Variants in CUX2 observed in about 807,000 individuals in gnomAD.
The protein encoded by CUX2 is cut like homeobox 2, also known as homeobox protein cut-like 2.
A neutral mutation model predicts 144.8 loss-of-function variants in CUX2; 40 were observed. The ratio of observed to expected loss-of-function variants is 0.28; its 90% CI spans 0.21 to 0.36. The LOEUF (loss-of-function observed/expected upper bound fraction) is 0.36, where lower values mean the gene tolerates loss of function less well. CUX2 is among the 10% of genes least tolerant of loss of function. The pLI, the probability that CUX2 is intolerant of heterozygous loss-of-function variation, is 1.00. For synonymous variants in CUX2, 827 were observed against 875.6 expected (o/e 0.94, Z 0.98); for missense variants, 1,615 against 1,994.0 (o/e 0.81, Z 3.62).
chr12:111,281,880 G>A (rs1023812842), intron 4 of CUX2, among the ~76,000 whole-genome samples: 2 of 152,188 alleles, frequency 1.3e-5, no homozygotes, highest in African/African-American at 4.8e-5. Flanking sequence ...GAGGCGGGAT[G>A]CTGGTCTGAT....
chr12:111,267,531 G>A (rs566390541), intron 4 of CUX2, among the ~76,000 whole-genome samples: 12 of 152,162 alleles, frequency 7.9e-5, no homozygotes, highest in African/African-American at 2.7e-4. Flanking sequence ...ACTCTGCTCC[G>A]TGTGACAAGC....
At position 111,293,381 on chromosome 12, in the gene CUX2, A is replaced by ATCTGT. The variant is rs1266306331; in HGVS notation, c.437-65_437-64insTCTGT. 1 of 1,542,940 alleles carries ATCTGT rather than the reference A, an allele frequency of 6.5e-7. No homozygotes were observed. The highest frequency in any genetic ancestry group is 8.7e-7 in the Non-Finnish European group (1 of 1,144,698). On this transcript the variant is annotated intron_variant, in intron 5 of 21. Transcript: ENST00000261726. The surrounding 1 kb of genome is among the most constrained non-coding windows in gnomAD (Gnocchi z 4.5). ...ATCAATGATCGATCCGGTTTACAGAAAGCGGCTCTGGCTGCCACGTTGCTC... is the reference window on the plus strand; with the variant it reads ...ATCAATGATCGATCCGGTTTACAGAATCTGTAGCGGCTCTGGCTGCCACGTTGCTC...
intron 1 of CUX2, among the ~76,000 whole-genome samples, chr12:111,177,854 C>T (rs2136176216): frequency 6.6e-6 from 1 of 152,336 alleles, no homozygotes; most frequent in Middle Eastern, 3.4e-3. Context: ...CTCTGTGGAC[C>T]TCAGTTTCCT....
At chr12:111,096,327 C>A (rs1872814589) in intron 1 of CUX2, among the ~76,000 whole-genome samples, 1 of 152,242 alleles carries the variant, frequency 6.6e-6, no homozygotes, top group Non-Finnish European at 1.5e-5. Flanking sequence ...CCGGGCTGTT[C>A]TATCCCCTAC....
At chr12:111,105,033 A>G (rs1217967074) in intron 1 of CUX2, among the ~76,000 whole-genome samples, 1 of 151,854 alleles carries the variant, frequency 6.6e-6, no homozygotes, top group Non-Finnish European at 1.5e-5. Flanking sequence ...ATGCCTTATA[A>G]CCTGTTCTCC....
Position 111,304,370 on chromosome 12 carries a change from G to A in CUX2, c.858+56G>A. ...AGGGCAGAGGGAAAGATCGGGAATG[G>A]CTGAGTTTGCAGGTTTCAGCATGTG... On this transcript the variant is annotated intron_variant, in intron 10 of 21. Coordinates refer to ENST00000261726, the MANE Select transcript of CUX2 (RefSeq NM_015267.4). The surrounding 1 kb of genome is among the most constrained non-coding windows in gnomAD (Gnocchi z 4.7). 16 of 1,441,650 alleles carry A rather than the reference G, an allele frequency of 1.1e-5. No individual in the cohort carries two copies. Among genetic ancestry groups the A allele is most frequent in the Non-Finnish European group, 1.4e-5 (15 of 1,037,836 alleles). 89.3% of individuals were successfully genotyped at this position (1,441,650 alleles called of 1,614,324 possible).
chr12:111,265,309 T>TTTTTA (rs199678456), intron 4 of CUX2, among the ~76,000 whole-genome samples: 8,731 of 143,612 alleles, frequency 0.061, 606 homozygotes, highest in African/African-American at 0.16. Context: ...TTTTATTTTA[T>TTTTTA]TTTTATTTTA....
intron 3 of CUX2, among the ~76,000 whole-genome samples, chr12:111,262,372 A>G (rs2136289720): frequency 7.2e-6 from 1 of 138,970 alleles, no homozygotes; most frequent in Non-Finnish European, 1.5e-5. Context: ...GAGATTTTGT[A>G]ATGGATCTTT....
Position 111,304,330 on chromosome 12 carries a change from G to A in CUX2, c.858+16G>A, listed in dbSNP as rs376889004. The A allele has an allele frequency of 2.4e-5, 39 of 1,604,420 alleles. No individual in the cohort carries two copies. The highest frequency in any genetic ancestry group is 3.2e-5 in the Non-Finnish European group (37 of 1,172,676). On this transcript the variant is annotated intron_variant, in intron 10 of 21. Coordinates refer to ENST00000261726, the MANE Select transcript of CUX2 (RefSeq NM_015267.4). This position sits in a 1 kb window ranked among gnomAD's most constrained non-coding sequence, Gnocchi z 4.7. ...GCCCAGTGGGGTAAGGATGGGGTTG[G>A]GGAAGTGAGCAGGGAGGGCAGAGGG... is the stretch of plus-strand genomic sequence containing the variant.
chr12:111,218,869 C>T (rs960855874), intron 3 of CUX2, among the ~76,000 whole-genome samples: 15 of 152,054 alleles, frequency 9.9e-5, no homozygotes, highest in African/African-American at 3.4e-4. Context: ...CGCCCCACCC[C>T]GCCCATTTCT....
At chr12:111,200,096 G>C (rs1880487778) in intron 1 of CUX2, among the ~76,000 whole-genome samples, 1 of 152,080 alleles carries the variant, frequency 6.6e-6, no homozygotes, top group Non-Finnish European at 1.5e-5. Context: ...GAAAGCTTTT[G>C]CCTGTGTTGT....
intron 1 of CUX2, among the ~76,000 whole-genome samples, chr12:111,180,289 A>G (rs2136179669): frequency 6.6e-6 from 1 of 152,308 alleles, no homozygotes. Flanking sequence ...TCCAAGAAGC[A>G]GAATCACCTT....
At position 111,186,038 on chromosome 12, in the gene CUX2, A is replaced by C. The variant is rs1879507262; in HGVS notation, c.64-28162A>C. Among the ~76,000 whole-genome samples the C allele has an allele frequency of 6.6e-5, 9 of 135,390 alleles. No individual in the cohort carries two copies. The highest frequency in any genetic ancestry group is 8.4e-5 in the African/African-American group (3 of 35,508). The allele number at this position is 135,390 out of a possible 152,430, so 88.8% of individuals were successfully genotyped here. On this transcript the variant is annotated intron_variant, in intron 1 of 21. Coordinates refer to ENST00000261726, the MANE Select transcript of CUX2 (RefSeq NM_015267.4). This position sits in a 1 kb window ranked among gnomAD's most constrained non-coding sequence, Gnocchi z 4.4. ...TCTGTTTTCTGGTCCTCTCTCTTTC[A>C]CTCTCACTCTCTCCCTCCCTCCCTT...
Position 111,330,728 on chromosome 12 carries a change from T to TATATAC in CUX2, c.2927-3708_2927-3707insCATATA, listed in dbSNP as rs1565926303. Among the ~76,000 whole-genome samples, 36 of 50,124 alleles carry TATATAC rather than the reference T, an allele frequency of 7.2e-4. 1 individual carries two copies. Among genetic ancestry groups the TATATAC allele is most frequent in the African/African-American group, 3.1e-3 (36 of 11,562 alleles). 32.9% of individuals were successfully genotyped at this position (50,124 alleles called of 152,430 possible). A position where few individuals can be genotyped will look rare whatever the true frequency, so the allele number is the denominator to read the frequency against. On this transcript the variant is annotated intron_variant, in intron 18 of 21. Coordinates refer to ENST00000261726, the MANE Select transcript of CUX2 (RefSeq NM_015267.4). ...ATATATATATATATATATATATATATATATATATATATATATATATATAAA... is the reference window on the plus strand; with the variant it reads ...ATATATATATATATATATATATATATATATACATATATATATATATATATATATAAA...
rs111335338 is a variant in CUX2 at position 111,223,662 on chromosome 12, C to T, written c.222+5725C>T. Among the ~76,000 whole-genome samples the T allele has an allele frequency of 6.9e-3, 1,053 of 152,258 alleles. 17 individuals are homozygous for T. The highest frequency in any genetic ancestry group is 0.023 in the African/African-American group (941 of 41,546). ...TTCTGGGGGATAAGACAGCACATGG[C>T]GGAGAGGCCAGGAGTGCTGAGGTAC... is the stretch of plus-strand genomic sequence containing the variant. On this transcript the variant is annotated intron_variant, in intron 3 of 21. Transcript: ENST00000261726.
At chr12:111,145,858 TG>T (rs766273724) in intron 1 of CUX2, among the ~76,000 whole-genome samples, 1 of 141,220 alleles carries the variant, frequency 7.1e-6, no homozygotes, top group African/African-American at 3.1e-5. Context: ...TGTTTGTTTT[TG>T]TTTTGTTTTG....
Position 111,059,963 on chromosome 12 carries a change from C to A in CUX2, c.63+25723C>A, listed in dbSNP as rs983116686. 6.6e-6 allele frequency among the ~76,000 whole-genome samples: 1 copy of A among 152,084 alleles called. No individual in the cohort carries two copies. Among genetic ancestry groups the A allele is most frequent in the African/African-American group, 2.4e-5 (1 of 41,420 alleles). ...CCAGGGCTCCATTTAGAATCACTCC[C>A]GGGAAATCATGGCAGGGAGGTGGCA... On this transcript the variant is annotated intron_variant, in intron 1 of 21. Transcript: ENST00000261726. This position sits in a 1 kb window ranked among gnomAD's most constrained non-coding sequence, Gnocchi z 5.3.
chr12:111,191,793 AC>A (rs952674764), intron 1 of CUX2, among the ~76,000 whole-genome samples: 2 of 148,648 alleles, frequency 1.3e-5, no homozygotes, highest in African/African-American at 5.0e-5. Flanking sequence ...CCACCTGGGG[AC>A]CCCCCCACTT....
chr12:111,164,554 C>CAACA (rs1245420964), intron 1 of CUX2, among the ~76,000 whole-genome samples: 2 of 151,012 alleles, frequency 1.3e-5, no homozygotes, highest in African/African-American at 2.4e-5. Flanking sequence ...CCAGCCTGGG[C>CAACA]AACAGAGTGA....
Sources: allele counts gnomAD v4.1 joint callset (sites outside exome capture counted in the v4.1 genomes callset), GRCh38; gene constraint gnomAD v4.1.1; non-coding constraint Gnocchi (gnomAD v3.1); transcripts MANE v1.5; gene names NCBI Gene and HGNC (gene_info 2026-07-23, HGNC 2026-07-21).